Variants in SENP5 observed in about 807,000 individuals in gnomAD.
SENP5 encodes SUMO specific peptidase 5, also known as sentrin-specific protease 5.
A neutral mutation model predicts 74.2 loss-of-function variants in SENP5; 21 were observed. That is an observed-to-expected ratio of 0.28 (90% CI 0.20 to 0.41). The LOEUF is 0.41. Ranked by LOEUF, SENP5 falls within the 10% of genes least tolerant of loss-of-function variation. The pLI is 1.00. For missense variants in SENP5, 717 were observed against 889.1 expected, an observed-to-expected ratio of 0.81 and a Z score of 2.46; for synonymous variants, 311 against 312.7, an observed-to-expected ratio of 0.99 and a Z score of 0.06.
intron 1 of SENP5, among the ~76,000 whole-genome samples, chr3:196,879,042 C>T (rs1713604746): frequency 6.6e-6 from 1 of 152,200 alleles, no homozygotes. Flanking sequence ...ACTGTATCTT[C>T]CCACTATAGG....
At chr3:196,914,510 C>G (rs1404687584) in intron 6 of SENP5, 2 of 141,256 alleles carry the variant, frequency 1.4e-5, no homozygotes, top group Admixed American at 7.4e-5. Flanking sequence ...GCTTATAGTT[C>G]CAGCTACTCC....
chr3:196,930,702 G>C (rs899700480), intron 9 of SENP5, 111 bp from the exon 10 acceptor site: 2 of 711,156 alleles, frequency 2.8e-6, no homozygotes, highest in South Asian at 3.4e-5. Context: ...TGCCAAAAAG[G>C]TTGGGGTCTT....
intron 1 of SENP5, among the ~76,000 whole-genome samples, chr3:196,881,764 A>C (rs1330003179): frequency 6.8e-6 from 1 of 147,832 alleles, no homozygotes; most frequent in Non-Finnish European, 1.5e-5. Context: ...TTGAGTTTTT[A>C]ATTTCTGCTA....
intron 6 of SENP5, among the ~76,000 whole-genome samples, chr3:196,919,082 AG>A (rs1382641292): frequency 1.3e-5 from 2 of 152,222 alleles, no homozygotes; most frequent in African/African-American, 2.4e-5. Context: ...ATCACAAAGA[AG>A]GCAAGAAAAC....
At chr3:196,914,586 A>AAAATATATATATAT in intron 6 of SENP5, 3 of 33,494 alleles carry the variant, frequency 9.0e-5, no homozygotes, top group Non-Finnish European at 1.5e-4. Flanking sequence ...AAAAAAAAAA[A>AAAATATATATATAT]ATATATATAT....
At chr3:196,894,053 T>C (rs925607471) in intron 2 of SENP5, among the ~76,000 whole-genome samples, 1 of 152,064 alleles carries the variant, frequency 6.6e-6, no homozygotes, top group Non-Finnish European at 1.5e-5. Flanking sequence ...TAAAAGGTTG[T>C]TTCCACATAT....
chr3:196,893,402 A>G (rs1714297434), intron 2 of SENP5, among the ~76,000 whole-genome samples: 1 of 152,208 alleles, frequency 6.6e-6, no homozygotes, highest in Non-Finnish European at 1.5e-5. Context: ...AAAAATTTAG[A>G]TATGCATGCC....
At chr3:196,891,487 C>T (rs995461672) in intron 2 of SENP5, among the ~76,000 whole-genome samples, 11 of 152,024 alleles carry the variant, frequency 7.2e-5, no homozygotes, top group Non-Finnish European at 1.5e-4. Context: ...AAATATAGGC[C>T]GGCCATGGTG....
chr3:196,916,205 T>G (rs947152201), intron 6 of SENP5, among the ~76,000 whole-genome samples: 1 of 152,072 alleles, frequency 6.6e-6, no homozygotes, highest in Non-Finnish European at 1.5e-5. Context: ...CGGGCACCTG[T>G]AATCCCAGCT....
chr3:196,884,040 A>C (rs982754080), intron 1 of SENP5, among the ~76,000 whole-genome samples: 3 of 152,236 alleles, frequency 2.0e-5, no homozygotes, highest in African/African-American at 7.2e-5. Flanking sequence ...GAGGAGACCA[A>C]ATACCACTTA....
intron 2 of SENP5, among the ~76,000 whole-genome samples, chr3:196,887,953 A>T (rs2108820335): frequency 6.6e-6 from 1 of 152,048 alleles, no homozygotes; most frequent in African/African-American, 2.4e-5. Context: ...ATTTTAGTAG[A>T]GACAGTGTTT....
At chr3:196,929,308 C>A (rs1437609010) in intron 8 of SENP5, 1 of 259,622 alleles carries the variant, frequency 3.9e-6, no homozygotes, top group Non-Finnish European at 7.3e-6. Context: ...CTCCCAGGCA[C>A]AGTTCCATTT....
At chr3:196,909,492 A>G (rs1437133757) in intron 6 of SENP5, among the ~76,000 whole-genome samples, 1 of 152,222 alleles carries the variant, frequency 6.6e-6, no homozygotes, top group Non-Finnish European at 1.5e-5. Context: ...CCTGATGAAC[A>G]TCGGTGCGAA....
intron 9 of SENP5, among the ~76,000 whole-genome samples, chr3:196,930,007 C>T (rs9880996): frequency 7.2e-6 from 1 of 139,098 alleles, no homozygotes; most frequent in African/African-American, 2.6e-5. Context: ...AAAAAAAAAA[C>T]ATTGGCAAGC....
At chr3:196,930,643 T>C (rs1258808863) in intron 9 of SENP5, among the ~76,000 whole-genome samples, 170 bp from the exon 10 acceptor site, 1 of 151,946 alleles carries the variant, frequency 6.6e-6, no homozygotes, top group East Asian at 1.9e-4. Context: ...ACCAACCCCC[T>C]CTCCCCCAAG....
At chr3:196,871,059 A>G (rs571156035) in intron 1 of SENP5, among the ~76,000 whole-genome samples, 9 of 151,968 alleles carry the variant, frequency 5.9e-5, no homozygotes, top group East Asian at 2.0e-4. Flanking sequence ...AATCCCAGCT[A>G]CTCGGGAGGC....
intron 2 of SENP5, among the ~76,000 whole-genome samples, chr3:196,897,849 C>G (rs1312693552): frequency 1.3e-5 from 2 of 152,126 alleles, no homozygotes; most frequent in Admixed American, 6.5e-5. Context: ...CTAAGCCTTG[C>G]CTCAGCTTTT....
chr3:196,911,952 G>A (rs1715151623), intron 6 of SENP5, among the ~76,000 whole-genome samples: 1 of 152,222 alleles, frequency 6.6e-6, no homozygotes, highest in South Asian at 2.1e-4. Flanking sequence ...AGGCTGTGGA[G>A]ACATAGGAAT....
intron 4 of SENP5, 133 bp from the exon 5 acceptor site, chr3:196,900,232 A>G (rs2108836567): frequency 1.9e-6 from 2 of 1,043,006 alleles, no homozygotes; most frequent in Non-Finnish European, 2.7e-6. Context: ...CAGTAATAAT[A>G]TATTATTTAT....
Sources: gnomAD v4.1 joint callset for allele counts (sites outside exome capture counted in the v4.1 genomes callset) on GRCh38, gnomAD v4.1.1 for gene constraint, MANE v1.5 for transcripts, NCBI Gene and HGNC (gene_info 2026-07-23, HGNC 2026-07-21) for gene names.